The following AK5 variants were observed in gnomAD, a reference collection of about 807,000 sequenced individuals.
AK5 encodes adenylate kinase isoenzyme 5.
Under a neutral mutation model 69.5 loss-of-function variants are expected in AK5, and 27 were observed. The observed-to-expected ratio is 0.39, with a 90% confidence interval of 0.29 to 0.54. The LOEUF is 0.54. Among genes scored for constraint, AK5 ranks in the 20% least tolerant of loss-of-function variants. AK5 has a pLI of 0.71. For synonymous variants in AK5, 260 were observed against 244.4 expected, an observed-to-expected ratio of 1.06 and a Z score of -0.60; for missense variants, 531 against 700.4, an observed-to-expected ratio of 0.76 and a Z score of 2.73.
At chr1:77,556,241 CCT>C (rs1325535534) in intron 13 of AK5, among the ~76,000 whole-genome samples, 1 of 152,168 alleles carries the variant, frequency 6.6e-6, no homozygotes, top group African/African-American at 2.4e-5. Flanking sequence ...ATATGTCTCC[CCT>C]GTCACAGCTT....
At chr1:77,294,558 T>C (rs17100218) in intron 3 of AK5, among the ~76,000 whole-genome samples, 2 of 152,078 alleles carry the variant, frequency 1.3e-5, no homozygotes, top group Non-Finnish European at 2.9e-5. Context: ...TATGGCAAAT[T>C]GGCACCTATA....
chr1:77,321,977 A>G (rs903584913), intron 5 of AK5, among the ~76,000 whole-genome samples: 8 of 152,240 alleles, frequency 5.3e-5, no homozygotes, highest in Admixed American at 3.3e-4. Flanking sequence ...TTGTATTTCT[A>G]TATATTAGCA....
intron 13 of AK5, among the ~76,000 whole-genome samples, chr1:77,544,127 G>T (rs1202273083): frequency 6.6e-6 from 1 of 152,178 alleles, no homozygotes; most frequent in Non-Finnish European, 1.5e-5. Flanking sequence ...GTAACCATTT[G>T]TGTATCTAAA....
At chr1:77,532,443 A>T (rs1179034593) in intron 12 of AK5, 1 of 152,284 alleles carries the variant, frequency 6.6e-6, no homozygotes, top group Non-Finnish European at 1.5e-5. Flanking sequence ...TTCATTCTGA[A>T]GGCGTTGGCT....
At chr1:77,521,030 A>G (rs1233164661) in intron 11 of AK5, among the ~76,000 whole-genome samples, 1 of 152,260 alleles carries the variant, frequency 6.6e-6, no homozygotes, top group South Asian at 2.1e-4. Context: ...TCAACAAAGA[A>G]AGTGATGTTA....
intron 6 of AK5, among the ~76,000 whole-genome samples, chr1:77,360,222 GAT>G (rs1557526121): frequency 6.6e-6 from 1 of 152,184 alleles, no homozygotes; most frequent in African/African-American, 2.4e-5. Flanking sequence ...TCTTAGGACT[GAT>G]AGAGGAAGAA....
At chr1:77,522,633 G>T (rs1658055668) in intron 12 of AK5, among the ~76,000 whole-genome samples, 1 of 152,104 alleles carries the variant, frequency 6.6e-6, no homozygotes, top group South Asian at 2.1e-4. Flanking sequence ...AGTGAGGAGG[G>T]TGGGTCAGGG....
intron 8 of AK5, among the ~76,000 whole-genome samples, chr1:77,461,188 C>T (rs35352712): frequency 0.025 from 3,764 of 151,812 alleles, 133 homozygotes; most frequent in African/African-American, 0.087. Flanking sequence ...TGCCCACCAC[C>T]GCGCCTGGCT....
At chr1:77,452,662 A>G (rs12044354) in intron 8 of AK5, among the ~76,000 whole-genome samples, 37,310 of 152,142 alleles carry the variant, frequency 0.25, 5,308 homozygotes, top group South Asian at 0.46. Flanking sequence ...ATGCTTTTCC[A>G]TGGAACAAGT....
intron 13 of AK5, among the ~76,000 whole-genome samples, chr1:77,543,601 G>A (rs1026056030): frequency 2.6e-5 from 4 of 151,746 alleles, no homozygotes; most frequent in Non-Finnish European, 4.4e-5. Context: ...GTGCAATTAC[G>A]GCTCATTGCA....
chr1:77,545,373 C>A (rs755005982), intron 13 of AK5, among the ~76,000 whole-genome samples: 1 of 152,140 alleles, frequency 6.6e-6, no homozygotes, highest in African/African-American at 2.4e-5. Context: ...CCAAGCTGTA[C>A]GCATTTCTGT....
In AK5 at chr1:77,392,562, A is replaced by G. The variant is rs1173878991; in HGVS notation, c.892-18419A>G. ...TGGATTTTAGAAAGAGAGAACCTAT[A>G]TTGGTTTCTCTTCCGTGTGTGCCCA... On this transcript the variant is annotated intron_variant, in intron 6 of 13. Coordinates refer to ENST00000354567, the MANE Select transcript of AK5 (RefSeq NM_174858.3). 2.6e-5 allele frequency among the ~76,000 whole-genome samples: 4 copies of G among 152,316 alleles called. No homozygotes were observed. The East Asian group carries it at 7.7e-4, about 29-fold the overall frequency.
intron 8 of AK5, among the ~76,000 whole-genome samples, chr1:77,471,788 G>T (rs79383974): frequency 0.01 from 1,572 of 152,244 alleles, 35 homozygotes; most frequent in East Asian, 0.079. Flanking sequence ...AGCAAGAATA[G>T]CAGCAAAATG....
chr1:77,344,029 G>A (rs1026736891), intron 6 of AK5, among the ~76,000 whole-genome samples: 4 of 152,064 alleles, frequency 2.6e-5, no homozygotes, highest in African/African-American at 9.7e-5. Flanking sequence ...TATATTGTCC[G>A]TGTAATCAAG....
At chr1:77,403,997 T>G (rs2100554398) in intron 6 of AK5, among the ~76,000 whole-genome samples, 1 of 152,314 alleles carries the variant, frequency 6.6e-6, no homozygotes, top group East Asian at 1.9e-4. Flanking sequence ...GTAGTTCTCC[T>G]TGAAGAGGTC....
At chr1:77,411,216 G>C (rs1030677454) in intron 7 of AK5, 145 bp downstream of exon 7, 3 of 671,006 alleles carry the variant, frequency 4.5e-6, no homozygotes, top group Non-Finnish European at 7.4e-6. Context: ...AAAAATAAAA[G>C]TATAAAACAA....
intron 10 of AK5, among the ~76,000 whole-genome samples, chr1:77,515,519 A>G (rs1209400808): frequency 6.6e-6 from 1 of 152,236 alleles, no homozygotes; most frequent in Admixed American, 6.5e-5. Flanking sequence ...TCAGGCATTT[A>G]TGGTGCACTT....
chr1:77,367,236 G>A (rs188140581), intron 6 of AK5, among the ~76,000 whole-genome samples: 12 of 151,874 alleles, frequency 7.9e-5, no homozygotes, highest in Admixed American at 7.9e-4. Context: ...TTTGGGGGGA[G>A]GGTGGGATTT....
intron 6 of AK5, among the ~76,000 whole-genome samples, chr1:77,400,900 CTTCT>C (rs1374890166): frequency 7.6e-6 from 1 of 130,828 alleles, no homozygotes; most frequent in Non-Finnish European, 1.6e-5. Flanking sequence ...TTAGATCTGT[CTTCT>C]TTCATGATTT....
Sources: allele counts gnomAD v4.1 joint callset (sites outside exome capture counted in the v4.1 genomes callset), GRCh38; gene constraint gnomAD v4.1.1; transcripts MANE v1.5; gene names NCBI Gene and HGNC (gene_info 2026-07-23, HGNC 2026-07-21).